Variants in BRINP3 observed in about 807,000 individuals in gnomAD.
BRINP3 encodes BMP/retinoic acid inducible neural specific 3, also known as BMP/retinoic acid-inducible neural-specific protein 3.
Under a neutral mutation model 71.0 loss-of-function variants are expected in BRINP3, and 19 were observed. The ratio of observed to expected loss-of-function variants is 0.27; its 90% CI spans 0.19 to 0.39. The LOEUF (loss-of-function observed/expected upper bound fraction) is 0.39. BRINP3 is among the 10% of genes least tolerant of loss of function. The pLI, the probability that BRINP3 is intolerant of heterozygous loss-of-function variation, is 1.00. For missense variants in BRINP3, 959 were observed against 940.8 expected, an observed-to-expected ratio of 1.02 and a Z score of -0.25; for synonymous variants, 380 against 337.7, an observed-to-expected ratio of 1.13 and a Z score of -1.37.
At chr1:190,236,025 G>A (rs1345553348) in intron 4 of BRINP3, among the ~76,000 whole-genome samples, 1 of 151,932 alleles carries the variant, frequency 6.6e-6, no homozygotes, top group Non-Finnish European at 1.5e-5. Context: ...TTAAGAGAAA[G>A]AGGAGGAGGA....
intron 1 of BRINP3, chr1:190,475,669 G>C (rs989561510): frequency 4.6e-5 from 7 of 152,168 alleles, no homozygotes; most frequent in Admixed American, 3.3e-4. Context: ...ACGCAGAGTC[G>C]CCTGTTGATA....
intron 1 of BRINP3, among the ~76,000 whole-genome samples, chr1:190,465,434 C>T (rs1676675606): frequency 6.6e-6 from 1 of 151,806 alleles, no homozygotes; most frequent in South Asian, 2.1e-4. Flanking sequence ...CTATGTTGTC[C>T]AATTTTAGCA....
Position 190,396,712 on chromosome 1 carries a change from T to TTATATATA in BRINP3, c.236+57942_236+57943insTATATATA, listed in dbSNP as rs1558249085. ...AACGCACTATGCATTCCTAATTTAA[T>TTATATATA]GATATATATATATATATATATATAT... On this transcript the variant is annotated intron_variant, in intron 2 of 7. Transcript: ENST00000367462. Among the ~76,000 whole-genome samples, 154 of 38,298 alleles carry TTATATATA rather than the reference T, an allele frequency of 4.0e-3. 1 individual carries two copies. Among genetic ancestry groups the TTATATATA allele is most frequent in the African/African-American group, 0.014 (146 of 10,302 alleles). 25.1% of individuals were successfully genotyped at this position (38,298 alleles called of 152,430 possible). A position where few individuals can be genotyped will look rare whatever the true frequency, so the allele number is the denominator to read the frequency against.
intron 2 of BRINP3, among the ~76,000 whole-genome samples, chr1:190,334,874 A>C (rs180888654): frequency 6.7e-4 from 102 of 151,800 alleles, no homozygotes; most frequent in Non-Finnish European, 1.1e-3. Flanking sequence ...AGGAACATGC[A>C]AAAAAAGAAG....
intron 2 of BRINP3, among the ~76,000 whole-genome samples, chr1:190,321,182 G>T (rs530531559): frequency 6.6e-6 from 1 of 152,114 alleles, no homozygotes; most frequent in East Asian, 1.9e-4. Context: ...ATAGAGTTGA[G>T]TCAGCAGACA....
intron 2 of BRINP3, among the ~76,000 whole-genome samples, chr1:190,381,005 T>A (rs182273518): frequency 2.6e-4 from 39 of 152,152 alleles, no homozygotes; most frequent in Middle Eastern, 6.8e-3. Flanking sequence ...AATATGAGCC[T>A]CAAAAATACT....
At chr1:190,173,441 T>C (rs1197995981) in intron 6 of BRINP3, among the ~76,000 whole-genome samples, 1 of 152,120 alleles carries the variant, frequency 6.6e-6, no homozygotes, top group Non-Finnish European at 1.5e-5. Context: ...ACTGTAACCA[T>C]GAGGAAAAAG....
intron 2 of BRINP3, among the ~76,000 whole-genome samples, chr1:190,358,488 C>T (rs886205925): frequency 8.6e-5 from 13 of 152,018 alleles, no homozygotes; most frequent in African/African-American, 2.4e-4. Context: ...GTTAGAATCG[C>T]GATCATTAAA....
intron 2 of BRINP3, among the ~76,000 whole-genome samples, chr1:190,283,643 T>C (rs1197567944): frequency 2.7e-5 from 4 of 148,278 alleles, no homozygotes; most frequent in South Asian, 2.1e-4. Flanking sequence ...ATATATAAAA[T>C]ATATAATATT....
intron 2 of BRINP3, among the ~76,000 whole-genome samples, chr1:190,344,469 C>T (rs1162885867): frequency 6.6e-6 from 1 of 151,228 alleles, no homozygotes; most frequent in Non-Finnish European, 1.5e-5. Context: ...TCAGTGCAAA[C>T]ATAAGTAGCA....
intron 6 of BRINP3, among the ~76,000 whole-genome samples, chr1:190,179,554 C>T (rs1393028506): frequency 2.0e-5 from 3 of 151,960 alleles, no homozygotes; most frequent in East Asian, 1.9e-4. Context: ...CAGTGTCTGT[C>T]CCTAACAAAA....
At chr1:190,188,362 C>A (rs544792144) in intron 6 of BRINP3, among the ~76,000 whole-genome samples, 5 of 152,144 alleles carry the variant, frequency 3.3e-5, no homozygotes, top group Admixed American at 3.3e-4. Flanking sequence ...TTATTTATTT[C>A]TCTTGTTTAA....
intron 7 of BRINP3, among the ~76,000 whole-genome samples, chr1:190,106,367 C>A (rs1342856426): frequency 6.6e-6 from 1 of 151,576 alleles, no homozygotes; most frequent in Admixed American, 6.6e-5. Flanking sequence ...ATGTTTAAAT[C>A]TTTGCATTGC....
intron 3 of BRINP3, among the ~76,000 whole-genome samples, chr1:190,271,338 A>T (rs1246161541): frequency 2.6e-5 from 4 of 151,644 alleles, no homozygotes; most frequent in African/African-American, 7.2e-5. Flanking sequence ...AACACATCTT[A>T]GGACTCAGTT....
intron 2 of BRINP3, among the ~76,000 whole-genome samples, chr1:190,330,272 C>T (rs1028255249): frequency 2.0e-5 from 3 of 151,918 alleles, no homozygotes; most frequent in Non-Finnish European, 4.4e-5. Context: ...CTATAAGGAA[C>T]TTAAACCAAC....
chr1:190,187,290 A>G (rs1226755326), intron 6 of BRINP3, among the ~76,000 whole-genome samples: 1 of 152,042 alleles, frequency 6.6e-6, no homozygotes, highest in Non-Finnish European at 1.5e-5. Context: ...TCCTTATCAG[A>G]TGTATAGTTG....
At chr1:190,237,531 T>C (rs983668228) in intron 4 of BRINP3, among the ~76,000 whole-genome samples, 2 of 151,958 alleles carry the variant, frequency 1.3e-5, no homozygotes, top group Admixed American at 1.3e-4. Flanking sequence ...ATTCCCATGA[T>C]GGAAATTTAA....
rs750358856 is a variant in BRINP3, at chr1:190,281,577, A to G, written c.410T>C (p.Leu137Pro). ...AGCCGTACCTCCCAGAGTAGCAGAT[A>G]GCAAGAAATGTGTCCCATATTTCTT... ...LIKKYGTHFLLSATLGGEESL... is the reference protein window; with the variant it reads ...LIKKYGTHFLPSATLGGEESL... Residue 137 changes from leucine to proline, a missense_variant, in exon 3 of 8, where the codon CTA (leucine) becomes CCA (proline). Transcript: ENST00000367462. 1 of 1,612,594 alleles carries G rather than the reference A, an allele frequency of 6.2e-7. No homozygotes were observed. Among genetic ancestry groups the G allele is most frequent in the South Asian group, 1.1e-5 (1 of 91,044 alleles).
At position 190,435,569 on chromosome 1, in the gene BRINP3, G is replaced by C. The variant is rs1463328048; in HGVS notation, c.236+19086C>G. Among the ~76,000 whole-genome samples, 20 of 151,972 alleles carry C rather than the reference G, an allele frequency of 1.3e-4. No homozygotes were observed. The East Asian group carries it at 3.7e-3, about 28-fold the overall frequency. ...TTTTATATTAATGTTTAATCTTCTAGATAAACTAACTCACAACAATGTCAT... is the reference window on the plus strand; with the variant it reads ...TTTTATATTAATGTTTAATCTTCTACATAAACTAACTCACAACAATGTCAT... On this transcript the variant is annotated intron_variant, in intron 2 of 7. Transcript: ENST00000367462.
Sources: gnomAD v4.1 joint callset for allele counts (sites outside exome capture counted in the v4.1 genomes callset) on GRCh38, gnomAD v4.1.1 for gene constraint, MANE v1.5 for transcripts, NCBI Gene and HGNC (gene_info 2026-07-23, HGNC 2026-07-21) for gene names.